LRRTM3: variants seen among roughly 807,000 people sequenced by gnomAD.
LRRTM3 encodes leucine-rich repeat transmembrane neuronal protein 3.
In LRRTM3, 24 loss-of-function variants were observed where a neutral mutation model predicts 44.7. The ratio of observed to expected loss-of-function variants is 0.54; its 90% CI spans 0.39 to 0.76. The LOEUF (loss-of-function observed/expected upper bound fraction) is 0.76, where lower values mean the gene tolerates loss of function less well. Ranked by LOEUF, LRRTM3 falls within the 30% of genes least tolerant of loss-of-function variation. The pLI is 0.00. For synonymous variants in LRRTM3, 277 were observed against 278.7 expected, an observed-to-expected ratio of 0.99 and a Z score of 0.06; for missense variants, 587 against 702.2, an observed-to-expected ratio of 0.84 and a Z score of 1.85.
At position 67,054,060 on chromosome 10, in the gene LRRTM3, C is replaced by T. The variant is rs530872223; in HGVS notation, c.1537-43527C>T. ...TAATTCTGTCCATCTTTGCAGATTA[C>T]AGACACTTAGTATTTACCGTTTCAA... On this transcript the variant is annotated intron_variant, in intron 2 of 2. Transcript: ENST00000361320. Among the ~76,000 whole-genome samples, 5 of 152,262 alleles carry T rather than the reference C, an allele frequency of 3.3e-5. No individual in the cohort carries two copies. The East Asian group carries it at 9.6e-4, about 29-fold the overall frequency.
intron 2 of LRRTM3, 90 bp downstream of exon 2, chr10:66,928,542 G>GCC: frequency 8.2e-7 from 1 of 1,220,630 alleles, no homozygotes; most frequent in South Asian, 1.6e-5. Context: ...GGAACGCGAT[G>GCC]CCCCCCCTCC....
intron 2 of LRRTM3, among the ~76,000 whole-genome samples, chr10:67,092,920 T>C (rs1384885993): frequency 6.6e-6 from 1 of 152,022 alleles, no homozygotes; most frequent in African/African-American, 2.4e-5. Context: ...CTACTACTCA[T>C]TATTACAATA....
chr10:67,028,039 C>G (rs757934825), intron 2 of LRRTM3, among the ~76,000 whole-genome samples: 2 of 152,000 alleles, frequency 1.3e-5, no homozygotes, highest in African/African-American at 2.4e-5. Flanking sequence ...TGAAAAAGAC[C>G]AGCTGAAGTT....
intron 2 of LRRTM3, among the ~76,000 whole-genome samples, chr10:67,053,632 CTG>C (rs1214380631): frequency 6.6e-6 from 1 of 152,060 alleles, no homozygotes; most frequent in Non-Finnish European, 1.5e-5. Context: ...CTTTTCTAAA[CTG>C]TAAATTTCCT....
intron 2 of LRRTM3, among the ~76,000 whole-genome samples, chr10:67,014,813 C>A (rs72804680): frequency 6.6e-6 from 1 of 151,798 alleles, no homozygotes; most frequent in Non-Finnish European, 1.5e-5. Flanking sequence ...AACATCATTC[C>A]AAACATAGCT....
At chr10:66,965,191 G>A (rs1017336573) in intron 2 of LRRTM3, among the ~76,000 whole-genome samples, 1 of 152,026 alleles carries the variant, frequency 6.6e-6, no homozygotes, top group African/African-American at 2.4e-5. Flanking sequence ...TTAGGTACTA[G>A]TCTCCTCCAG....
intron 2 of LRRTM3, among the ~76,000 whole-genome samples, chr10:67,091,642 C>T (rs1857646516): frequency 6.6e-6 from 1 of 151,958 alleles, no homozygotes. Flanking sequence ...CAGTCATAGT[C>T]ACTAAGGTGA....
chr10:66,995,814 A>T (rs1042467265), intron 2 of LRRTM3, among the ~76,000 whole-genome samples: 1 of 152,174 alleles, frequency 6.6e-6, no homozygotes, highest in Non-Finnish European at 1.5e-5. Context: ...TACAAGCATT[A>T]CTGCCTCTAC....
rs183919585 is a variant in LRRTM3 at position 66,969,880 on chromosome 10, T to C, written c.1536+41428T>C. Among the ~76,000 whole-genome samples the C allele has an allele frequency of 1.2e-4, 18 of 152,164 alleles. No homozygotes were observed. In the East Asian group the frequency reaches 2.9e-3, roughly 25 times the overall value. ...CCACAACATGGAGAGTATCTGTAAC[T>C]CCTATCAGAAACATCTTAGTGAAAC... On this transcript the variant is annotated intron_variant, in intron 2 of 2. Transcript: ENST00000361320.
chr10:66,996,539 T>G (rs948408829), intron 2 of LRRTM3, among the ~76,000 whole-genome samples: 3 of 149,630 alleles, frequency 2.0e-5, no homozygotes, highest in Non-Finnish European at 4.4e-5. Flanking sequence ...TCCCAGCTAC[T>G]CAGGAGGCTG....
chr10:66,996,319 C>T (rs1314614383), intron 2 of LRRTM3, among the ~76,000 whole-genome samples: 2 of 152,090 alleles, frequency 1.3e-5, no homozygotes, highest in East Asian at 3.9e-4. Context: ...GCAAGAGTGC[C>T]ATTAATATAT....
chr10:67,088,501 A>G (rs920731510), intron 2 of LRRTM3, among the ~76,000 whole-genome samples: 1 of 151,936 alleles, frequency 6.6e-6, no homozygotes, highest in Non-Finnish European at 1.5e-5. Context: ...CGGTGCCTGC[A>G]TTACATAAGA....
intron 2 of LRRTM3, among the ~76,000 whole-genome samples, chr10:66,939,105 C>T (rs1004507723): frequency 5.3e-5 from 8 of 152,100 alleles, no homozygotes; most frequent in Non-Finnish European, 7.4e-5. Context: ...TGATTTTACG[C>T]GTTTCCAAAG....
chr10:66,947,660 T>C (rs1848342294), intron 2 of LRRTM3, among the ~76,000 whole-genome samples: 1 of 152,176 alleles, frequency 6.6e-6, no homozygotes, highest in Admixed American at 6.5e-5. Flanking sequence ...TCACCCTTGG[T>C]TTCACATACT....
chr10:66,946,374 T>G (rs1166411411), intron 2 of LRRTM3, among the ~76,000 whole-genome samples: 2 of 152,180 alleles, frequency 1.3e-5, no homozygotes, highest in African/African-American at 4.8e-5. Context: ...GACATTTGTA[T>G]AGTTTAAACA....
intron 2 of LRRTM3, among the ~76,000 whole-genome samples, chr10:67,053,245 A>C (rs1855220670): frequency 6.6e-6 from 1 of 152,188 alleles, no homozygotes; most frequent in Non-Finnish European, 1.5e-5. Context: ...CCTACACACT[A>C]GGATGCAGTG....
intron 2 of LRRTM3, among the ~76,000 whole-genome samples, chr10:66,972,856 G>A (rs1393004393): frequency 1.3e-5 from 2 of 151,562 alleles, no homozygotes; most frequent in East Asian, 1.9e-4. Context: ...AATTACAGGC[G>A]CCTGCCACCA....
chr10:67,022,898 A>G (rs961959908), intron 2 of LRRTM3, among the ~76,000 whole-genome samples: 12 of 152,176 alleles, frequency 7.9e-5, no homozygotes, highest in Admixed American at 7.9e-4. Flanking sequence ...AGATCATGCC[A>G]TTGCACTCCA....
intron 2 of LRRTM3, among the ~76,000 whole-genome samples, chr10:66,958,308 CAAAAAAAAAAAAAA>C (rs35076056): frequency 1.2e-5 from 1 of 86,946 alleles, no homozygotes; most frequent in African/African-American, 4.1e-5. Flanking sequence ...TGCTTTCTTG[CAAAAAAAAAAAAAA>C]AAAAAAAAAA....
Sources: gnomAD v4.1 joint callset for allele counts (sites outside exome capture counted in the v4.1 genomes callset) on GRCh38, gnomAD v4.1.1 for gene constraint, MANE v1.5 for transcripts, NCBI Gene and HGNC (gene_info 2026-07-23, HGNC 2026-07-21) for gene names.